The following PCDHA9 variants were observed in gnomAD, a reference collection of about 807,000 sequenced individuals.
The protein encoded by PCDHA9 is protocadherin alpha 9.
A neutral mutation model predicts 62.0 loss-of-function variants in PCDHA9; 62 were observed. The ratio of observed to expected loss-of-function variants is 1.00; its 90% CI spans 0.81 to 1.23. PCDHA9 has a LOEUF of 1.23. Among genes scored for constraint, PCDHA9 ranks in the 50% most tolerant of loss-of-function variants. The pLI, the probability that PCDHA9 is intolerant of heterozygous loss-of-function variation, is 0.00. For synonymous variants in PCDHA9, 557 were observed against 567.6 expected (o/e 0.98, Z 0.27); for missense variants, 1,205 against 1,249.8 (o/e 0.96, Z 0.54).
At chr5:140,875,842 A>G (rs782682417) in intron 1 of PCDHA9, 1 of 1,614,146 alleles carries the variant, frequency 6.2e-7, no homozygotes, top group Non-Finnish European at 8.5e-7. Context: ...CGTGGAGGTG[A>G]AGGACATTAA....
intron 3 of PCDHA9, among the ~76,000 whole-genome samples, chr5:140,994,883 A>G (rs1197020328): frequency 2.6e-5 from 4 of 152,222 alleles, no homozygotes; most frequent in Non-Finnish European, 5.9e-5. Context: ...AAGAGATGTT[A>G]GGAAATGAGA....
chr5:140,893,866 C>T (rs915926825), intron 1 of PCDHA9, among the ~76,000 whole-genome samples: 5 of 152,102 alleles, frequency 3.3e-5, no homozygotes, highest in African/African-American at 1.2e-4. Context: ...TAGAAACAAC[C>T]CAGATCCAAA....
Position 140,869,617 on chromosome 5 carries a change from C to G in PCDHA9, c.2394+18728C>G, listed in dbSNP as rs782525218. The stretch of plus-strand genomic sequence containing the variant: ...AGAGAATGCTCTATTGACCTACAGG[C>G]TAAGTAAAAATGAGTATTTTTCTTT... On this transcript the variant is annotated intron_variant, in intron 1 of 3. Transcript: ENST00000532602. 5 of 1,613,828 alleles carry G rather than the reference C, an allele frequency of 3.1e-6. No homozygotes were observed. The highest frequency in any genetic ancestry group is 4.2e-6 in the Non-Finnish European group (5 of 1,179,910).
At chr5:140,955,470 G>C (rs1459601597) in intron 1 of PCDHA9, among the ~76,000 whole-genome samples, 2 of 151,850 alleles carry the variant, frequency 1.3e-5, no homozygotes, top group African/African-American at 4.8e-5. Context: ...CTTTTTGCTT[G>C]GCACCTCTCC....
chr5:140,983,444 TC>T (rs1554245415), intron 3 of PCDHA9, among the ~76,000 whole-genome samples: 1 of 152,224 alleles, frequency 6.6e-6, no homozygotes. Context: ...TCTACTCTAA[TC>T]CTCTATTAAT....
At chr5:140,954,577 A>T (rs1426426958) in intron 1 of PCDHA9, among the ~76,000 whole-genome samples, 2 of 151,954 alleles carry the variant, frequency 1.3e-5, no homozygotes, top group Non-Finnish European at 1.5e-5. Flanking sequence ...TTCTTTTCAG[A>T]AGTGTCTGTT....
chr5:140,899,225 A>C (rs1479429839), intron 1 of PCDHA9, among the ~76,000 whole-genome samples: 1 of 152,038 alleles, frequency 6.6e-6, no homozygotes, highest in African/African-American at 2.4e-5. Context: ...TTCCAACACT[A>C]TGTTGAATAG....
Position 140,850,169 on chromosome 5 carries a change from G to C in PCDHA9, c.1674G>C (p.Glu558Asp), listed in dbSNP as rs2150470473. The C allele has an allele frequency of 4.4e-6, 7 of 1,594,740 alleles. No individual in the cohort carries two copies. Among genetic ancestry groups the C allele is most frequent in the Non-Finnish European group, 6.0e-6 (7 of 1,167,792 alleles). Reference sequence around the variant, plus strand: ...CGCTGCAGGTGTTCGTGCTGGACGAGAACGACAATGCGCCGGCGCTGCTGA... The same window carrying C: ...CGCTGCAGGTGTTCGTGCTGGACGACAACGACAATGCGCCGGCGCTGCTGA... ...NVTLQVFVLD[E>D]NDNAPALLTP... Residue 558 changes from glutamate to aspartate, a missense_variant, in exon 1 of 4, where the codon GAG becomes GAC. Around this residue, in one of 3 missense-constraint regions of PCDHA9, gnomAD observed 887 missense variants for 809.5 expected, o/e 1.10. Transcript: ENST00000532602.
chr5:140,902,024 C>T (rs1554190174), intron 1 of PCDHA9, among the ~76,000 whole-genome samples: 5 of 152,016 alleles, frequency 3.3e-5, no homozygotes, highest in Non-Finnish European at 1.5e-5. Flanking sequence ...TATAGAAATA[C>T]TACTAATTTT....
rs782153529 is a variant in PCDHA9, at chr5:140,871,456, G to T, written c.2394+20567G>T. 3.1e-6 allele frequency: 5 copies of T among 1,607,166 alleles called. No homozygotes were observed. The South Asian group carries it at 4.4e-5, about 14-fold the overall frequency. On this transcript the variant is annotated intron_variant, in intron 1 of 3. Coordinates refer to ENST00000532602, the MANE Select transcript of PCDHA9 (RefSeq NM_031857.2). ...TCTAGGTCTGAATAAAGAGGAGGAA[G>T]GGGAAAGACAGGAGCCAGGGTCAAA...
chr5:140,869,224 C>T, intron 1 of PCDHA9: 1 of 1,613,836 alleles, frequency 6.2e-7, no homozygotes, highest in South Asian at 1.1e-5. Context: ...GGAGGCCAAA[C>T]ACGGCACCTT....
At chr5:140,880,630 C>T (rs2058401400) in intron 1 of PCDHA9, among the ~76,000 whole-genome samples, 2 of 152,122 alleles carry the variant, frequency 1.3e-5, no homozygotes, top group Admixed American at 1.3e-4. Context: ...AGTTAATTAT[C>T]AATTCACTTG....
At chr5:140,974,815 A>G (rs990559310) in intron 1 of PCDHA9, among the ~76,000 whole-genome samples, 3 of 152,188 alleles carry the variant, frequency 2.0e-5, no homozygotes, top group Non-Finnish European at 4.4e-5. Context: ...GAAGACCAAT[A>G]TGCAACATAA....
intron 1 of PCDHA9, chr5:140,967,313 C>T: frequency 6.2e-7 from 1 of 1,611,052 alleles, no homozygotes; most frequent in Non-Finnish European, 8.5e-7. Flanking sequence ...CAACTCAGTA[C>T]AGACCTACGA....
chr5:140,917,260 G>A (rs2077984179), intron 1 of PCDHA9, among the ~76,000 whole-genome samples: 2 of 143,736 alleles, frequency 1.4e-5, no homozygotes, highest in South Asian at 4.4e-4. Flanking sequence ...CTCACCTGAT[G>A]TTTGGTTTTT....
At chr5:140,929,821 C>G (rs2086398950) in intron 1 of PCDHA9, 1 of 157,208 alleles carries the variant, frequency 6.4e-6, no homozygotes, top group Non-Finnish European at 1.4e-5. Context: ...AGAAAGGGAA[C>G]ATAAGAGAAC....
At chr5:140,927,360 T>G in intron 1 of PCDHA9, 1 of 1,613,972 alleles carries the variant, frequency 6.2e-7, no homozygotes, top group Non-Finnish European at 8.5e-7. Flanking sequence ...AGGGAAGCAA[T>G]GGGATACTAA....
chr5:140,895,647 C>T (rs954657912), intron 1 of PCDHA9, among the ~76,000 whole-genome samples: 1 of 151,996 alleles, frequency 6.6e-6, no homozygotes, highest in African/African-American at 2.4e-5. Context: ...TTTTTAGCTC[C>T]CACTTATAAG....
intron 1 of PCDHA9, chr5:140,928,375 T>C: frequency 6.2e-7 from 1 of 1,614,184 alleles, no homozygotes. Context: ...GCCATCAGCC[T>C]CTAGCTTGCT....
Sources: gnomAD v4.1 joint callset for allele counts (sites outside exome capture counted in the v4.1 genomes callset) on GRCh38, gnomAD v4.1.1 for gene constraint, gnomAD v4.1.1 regional missense constraint, MANE v1.5 for transcripts, NCBI Gene and HGNC (gene_info 2026-07-23, HGNC 2026-07-21) for gene names.